PPARGC1A: variants seen among roughly 807,000 people sequenced by gnomAD.
PPARGC1A encodes the protein PPARG coactivator 1 alpha, also known as peroxisome proliferator-activated receptor gamma coactivator 1-alpha.
Under a neutral mutation model 88.7 loss-of-function variants are expected in PPARGC1A, and 25 were observed. The ratio of observed to expected loss-of-function variants is 0.28; its 90% CI spans 0.21 to 0.39. The LOEUF is 0.39. Among genes scored for constraint, PPARGC1A ranks in the 10% least tolerant of loss-of-function variants. PPARGC1A has a pLI of 1.00. For missense variants in PPARGC1A, 880 were observed against 968.7 expected (o/e 0.91, Z 1.22); for synonymous variants, 363 against 355.6 (o/e 1.02, Z -0.24).
At chr4:24,403,820 T>G in the PPARGC1A span, among the ~76,000 whole-genome samples, 3 of 152,156 alleles carry the variant, frequency 2.0e-5, no homozygotes, top group Non-Finnish European at 2.9e-5. Context: ...TCTCTCTCTC[T>G]CTCTTTCTTA....
the PPARGC1A span, among the ~76,000 whole-genome samples, chr4:24,379,636 G>T: frequency 6.6e-6 from 1 of 151,842 alleles, no homozygotes; most frequent in African/African-American, 2.4e-5. Flanking sequence ...TTTGGAAAAG[G>T]TCACAAATTT....
chr4:23,828,302 T>C, intron 5 of PPARGC1A, 98 bp downstream of exon 5: 8 of 1,262,792 alleles, frequency 6.3e-6, no homozygotes, highest in Non-Finnish European at 9.2e-6. Context: ...GTGACGCTGA[T>C]GGGACGGAAG....
rs568489789 is a variant in PPARGC1A, at chr4:23,859,524, G to T, written c.234+25228C>A. On this transcript the variant is annotated intron_variant, in intron 2 of 12. Transcript: ENST00000264867. ...TGTAACACCACGGTGGCTCACGCCT[G>T]TAATCCCAGTACTTTGGGAGGTCGA... Among the ~76,000 whole-genome samples the T allele has an allele frequency of 2.6e-5, 4 of 152,302 alleles. No homozygotes were observed. The South Asian group carries it at 8.3e-4, about 32-fold the overall frequency.
At chr4:23,994,499 A>T in the PPARGC1A span, among the ~76,000 whole-genome samples, 1 of 152,064 alleles carries the variant, frequency 6.6e-6, no homozygotes, top group Non-Finnish European at 1.5e-5. Context: ...TGGGCAGAGA[A>T]GGGGGGGCGG....
At chr4:23,878,345 C>T (rs1715224981) in intron 2 of PPARGC1A, among the ~76,000 whole-genome samples, 1 of 145,458 alleles carries the variant, frequency 6.9e-6, no homozygotes, top group African/African-American at 2.6e-5. Context: ...GAATCAACGT[C>T]CATAAAAAAA....
At chr4:24,370,749 C>CTTTTTT in the PPARGC1A span, among the ~76,000 whole-genome samples, 212 of 62,922 alleles carry the variant, frequency 3.4e-3, no homozygotes, top group Middle Eastern at 0.018. Flanking sequence ...CTGTCTCTCT[C>CTTTTTT]TTTTTTTTTT....
the PPARGC1A span, among the ~76,000 whole-genome samples, chr4:23,952,524 A>G: frequency 6.6e-6 from 1 of 152,074 alleles, no homozygotes; most frequent in African/African-American, 2.4e-5. Flanking sequence ...TTACCCCACC[A>G]TAACTCCAGT....
At chr4:24,091,186 T>G in the PPARGC1A span, among the ~76,000 whole-genome samples, 1 of 152,376 alleles carries the variant, frequency 6.6e-6, no homozygotes, top group South Asian at 2.1e-4. Flanking sequence ...GATATACACC[T>G]GCAACTTGTT....
the PPARGC1A span, among the ~76,000 whole-genome samples, chr4:24,446,380 G>A: frequency 5.3e-5 from 8 of 152,124 alleles, no homozygotes; most frequent in Non-Finnish European, 1.0e-4. Flanking sequence ...TGTCTTCTTC[G>A]GAGAAATGTC....
the PPARGC1A span, among the ~76,000 whole-genome samples, chr4:24,423,557 G>A: frequency 6.6e-6 from 1 of 152,038 alleles, no homozygotes; most frequent in Admixed American, 6.5e-5. Flanking sequence ...GGGCTGGGGG[G>A]GTGTCCCATG....
the PPARGC1A span, among the ~76,000 whole-genome samples, chr4:23,985,789 G>A: frequency 1.2e-3 from 181 of 152,068 alleles, 1 homozygote; most frequent in African/African-American, 3.7e-3. Context: ...GGTTCTAATT[G>A]GGGCTATTTC....
chr4:23,871,815 C>T (rs750665829), intron 2 of PPARGC1A, among the ~76,000 whole-genome samples: 2 of 152,076 alleles, frequency 1.3e-5, no homozygotes, highest in Admixed American at 6.5e-5. Flanking sequence ...ATACAAGAGC[C>T]GTTTCAAAGC....
At chr4:23,872,825 C>T (rs1175665332) in intron 2 of PPARGC1A, among the ~76,000 whole-genome samples, 1 of 152,142 alleles carries the variant, frequency 6.6e-6, no homozygotes, top group Non-Finnish European at 1.5e-5. Context: ...TTAAAATCCA[C>T]AGGCAAGAAG....
chr4:24,471,006 C>A, the PPARGC1A span, among the ~76,000 whole-genome samples: 1 of 151,362 alleles, frequency 6.6e-6, no homozygotes, highest in Non-Finnish European at 1.5e-5. This position sits in a 1 kb window ranked among gnomAD's most constrained non-coding sequence, Gnocchi z 5.4. Context: ...GAACGCGCTG[C>A]GCCCCGGGCC....
chr4:23,874,565 A>AC (rs1295996919), intron 2 of PPARGC1A, among the ~76,000 whole-genome samples: 2 of 152,174 alleles, frequency 1.3e-5, no homozygotes, highest in Non-Finnish European at 2.9e-5. Flanking sequence ...CCCTAAAAAA[A>AC]AAAAAAGGAT....
At chr4:23,884,725 A>G in intron 2 of PPARGC1A, 27 bp downstream of exon 2, 1 of 1,590,726 alleles carries the variant, frequency 6.3e-7, no homozygotes, top group Non-Finnish European at 8.6e-7. Flanking sequence ...TCAATGAAAA[A>G]TTAATGTTTC....
chr4:24,151,128 T>A, the PPARGC1A span, among the ~76,000 whole-genome samples: 3 of 152,210 alleles, frequency 2.0e-5, no homozygotes, highest in Non-Finnish European at 2.9e-5. Flanking sequence ...CCAGCACCTT[T>A]TGCATTTGTT....
rs777186610 is a variant in PPARGC1A, at chr4:23,813,900, G to T, written c.1583C>A (p.Thr528Lys). ...SDKLSYPWDG[T>K]QSYSLFNVSP... ...CACATTGAACAATGAATAGGATTGC[G>T]TGCCATCCCAAGGGTAGCTCAGTTT... Residue 528 changes from threonine (T) to lysine (K), a missense_variant, in exon 8 of 13, where the codon ACG becomes AAG. Thr to Lys is a moderately conservative substitution (Grantham distance 78). Transcript: ENST00000264867. The T allele has an allele frequency of 1.9e-6, 3 of 1,613,686 alleles. No homozygotes were observed. Among genetic ancestry groups the T allele is most frequent in the African/African-American group, 2.7e-5 (2 of 74,918 alleles).
the PPARGC1A span, among the ~76,000 whole-genome samples, chr4:24,290,049 A>T: frequency 6.6e-6 from 1 of 152,132 alleles, no homozygotes; most frequent in African/African-American, 2.4e-5. Flanking sequence ...CAGATCTCAT[A>T]AGACTTATTC....
Sources: gnomAD v4.1 joint callset for allele counts (sites outside exome capture counted in the v4.1 genomes callset) on GRCh38, gnomAD v4.1.1 for gene constraint, Gnocchi (gnomAD v3.1) non-coding constraint, MANE v1.5 for transcripts, NCBI Gene and HGNC (gene_info 2026-07-23, HGNC 2026-07-21) for gene names.